KIAA0930: variants seen among roughly 807,000 people sequenced by gnomAD.
The protein encoded by KIAA0930 is uncharacterized protein KIAA0930.
KIAA0930 carries 24 observed loss-of-function variants against 43.9 expected under a neutral mutation model. The observed-to-expected ratio is 0.55, with a 90% CI of 0.40 to 0.77. KIAA0930 has a LOEUF of 0.77. Ranked by LOEUF, KIAA0930 falls within the 30% of genes least tolerant of loss-of-function variation. KIAA0930 has a pLI of 0.00. For missense variants in KIAA0930, 461 were observed against 574.2 expected (o/e 0.80, Z 2.02); for synonymous variants, 259 against 216.4 (o/e 1.20, Z -1.73).
chr22:45,236,547 C>T (rs1448944381), intron 1 of KIAA0930, among the ~76,000 whole-genome samples: 1 of 152,146 alleles, frequency 6.6e-6, no homozygotes, highest in Admixed American at 6.5e-5. Context: ...CACAGCTCCA[C>T]TGGGGTCCTG....
intron 1 of KIAA0930, chr22:45,212,361 T>C: frequency 6.3e-7 from 1 of 1,599,684 alleles, no homozygotes; most frequent in Non-Finnish European, 8.5e-7. Context: ...GCCCCACAGC[T>C]GAGCCTGACT....
rs977255232 is a variant in KIAA0930, at chr22:45,194,435, G to A, written c.*2741C>T. 5 of 152,142 alleles carry A rather than the reference G, an allele frequency of 3.3e-5. No homozygotes were observed. The highest frequency in any genetic ancestry group is 9.7e-5 in the African/African-American group (4 of 41,422). 9.4% of individuals were successfully genotyped at this position (152,142 alleles called of 1,614,324 possible). ...CAGTTTTCCGCTGAGGAAACCTAAGGTCTTAAAGGGGTTTTGGGATCAAGT... is the reference window on the plus strand; with the variant it reads ...CAGTTTTCCGCTGAGGAAACCTAAGATCTTAAAGGGGTTTTGGGATCAAGT... On this transcript the variant is annotated 3_prime_UTR_variant, in exon 10 of 10. Coordinates refer to ENST00000336156, the MANE Select transcript of KIAA0930 (RefSeq NM_001009880.2).
At chr22:45,223,066 C>T (rs576028535) in intron 1 of KIAA0930, among the ~76,000 whole-genome samples, 3 of 152,288 alleles carry the variant, frequency 2.0e-5, no homozygotes, top group African/African-American at 4.8e-5. Context: ...TGAATTTTTC[C>T]CTGTGGTCTC....
intron 1 of KIAA0930, among the ~76,000 whole-genome samples, chr22:45,238,860 G>C (rs576637495): frequency 6.7e-6 from 1 of 149,790 alleles, no homozygotes; most frequent in African/African-American, 2.5e-5. Flanking sequence ...TTCCTCATTG[G>C]TTGTCCCTGG....
intron 1 of KIAA0930, among the ~76,000 whole-genome samples, chr22:45,221,237 TCA>T (rs996369040): frequency 1.3e-4 from 20 of 152,240 alleles, no homozygotes; most frequent in African/African-American, 4.8e-4. Flanking sequence ...CTGTTTACTT[TCA>T]GTCTTTCCCT....
chr22:45,233,892 C>T, intron 1 of KIAA0930, among the ~76,000 whole-genome samples: 1 of 152,236 alleles, frequency 6.6e-6, no homozygotes, highest in East Asian at 1.9e-4. Flanking sequence ...CCCAGCACCG[C>T]ATGCAGGAGG....
In KIAA0930 at chr22:45,194,980, G is replaced by A. The variant is rs2235152; in HGVS notation, c.*2196C>T. 17,671 of 152,172 alleles carry A rather than the reference G, an allele frequency of 0.12. 1,176 individuals carry two copies. The highest frequency in any genetic ancestry group is 0.15 in the East Asian group (767 of 5,172). 9.4% of individuals were successfully genotyped at this position (152,172 alleles called of 1,614,324 possible). On this transcript the variant is annotated 3_prime_UTR_variant, in exon 10 of 10. Coordinates refer to ENST00000336156, the MANE Select transcript of KIAA0930 (RefSeq NM_001009880.2). Reference sequence around the variant, plus strand: ...CTGCACATGGTAGGCGCTGTGTGTCGGCTATGAAACCACCAGCCCACCGCG... The same window carrying A: ...CTGCACATGGTAGGCGCTGTGTGTCAGCTATGAAACCACCAGCCCACCGCG...
chr22:45,194,962 T>C lies in KIAA0930; in HGVS notation c.*2214A>G, dbSNP rs1469193932. The C allele has an allele frequency of 6.6e-6, 1 of 152,208 alleles. No homozygotes were observed. The highest frequency in any genetic ancestry group is 2.4e-5 in the African/African-American group (1 of 41,446). The allele number at this position is 152,208 out of a possible 1,614,324, so 9.4% of individuals were successfully genotyped here. ...ATGGGGTCGGACAGGCAGCTGCACA[T>C]GGTAGGCGCTGTGTGTCGGCTATGA... is the stretch of plus-strand genomic sequence containing the variant. On this transcript the variant is annotated 3_prime_UTR_variant, in exon 10 of 10. Transcript: ENST00000336156.
Position 45,211,986 on chromosome 22 carries a change from G to C in KIAA0930, c.186C>G (p.Ser62=). 1.2e-6 allele frequency: 2 copies of C among 1,613,046 alleles called. No homozygotes were observed. Among genetic ancestry groups the C allele is most frequent in the Non-Finnish European group, 1.7e-6 (2 of 1,180,016 alleles). Residue 62 remains serine (S), a synonymous_variant, in exon 2 of 10, where the codon TCC becomes TCG. Coordinates refer to ENST00000336156, the MANE Select transcript of KIAA0930 (RefSeq NM_001009880.2). ...TCCCGTCTGCACCGCTTTCGCTGCC[G>C]GAGTACGCCAGCTTCCGGCGCACAT... ...LFYVRRKLAY[S]GSESGADGRK...
At position 45,192,731 on chromosome 22, in the gene KIAA0930, C is replaced by T. The variant is rs906689260; in HGVS notation, c.*4445G>A. On this transcript the variant is annotated 3_prime_UTR_variant, in exon 10 of 10. Coordinates refer to ENST00000336156, the MANE Select transcript of KIAA0930 (RefSeq NM_001009880.2). ...TGGAAACGGAATAAAAACGCCTACT[C>T]GCCTTAGGCAGGATAAGAAGTTGTA... The T allele has an allele frequency of 2.6e-5, 4 of 152,206 alleles. No individual in the cohort carries two copies. The highest frequency in any genetic ancestry group is 9.6e-5 in the African/African-American group (4 of 41,452). 9.4% of individuals were successfully genotyped at this position (152,206 alleles called of 1,614,324 possible).
chr22:45,216,037 A>AAC (rs55687332), intron 1 of KIAA0930, among the ~76,000 whole-genome samples: 1 of 150,960 alleles, frequency 6.6e-6, no homozygotes, highest in Non-Finnish European at 1.5e-5. Context: ...CAAAAAAAAA[A>AAC]CAAAAGAAAG....
chr22:45,197,591 C>G (rs930366194), intron 9 of KIAA0930, among the ~76,000 whole-genome samples, 199 bp downstream of exon 9: 7 of 152,160 alleles, frequency 4.6e-5, no homozygotes, highest in African/African-American at 1.7e-4. Context: ...GAAAGGTGAA[C>G]AAAGGGAGGA....
intron 7 of KIAA0930, chr22:45,201,099 C>G: frequency 2.2e-6 from 1 of 455,902 alleles, no homozygotes; most frequent in South Asian, 1.7e-5. Flanking sequence ...GTCACGGCTC[C>G]GACATCCACC....
chr22:45,198,552 G>T (rs1450811368), intron 8 of KIAA0930, among the ~76,000 whole-genome samples: 1 of 152,238 alleles, frequency 6.6e-6, no homozygotes, highest in Admixed American at 6.5e-5. Flanking sequence ...TGGTCCCAGT[G>T]GTCAGGACAA....
chr22:45,199,427 G>A (rs979679008), intron 8 of KIAA0930, among the ~76,000 whole-genome samples: 1 of 152,204 alleles, frequency 6.6e-6, no homozygotes, highest in Non-Finnish European at 1.5e-5. Flanking sequence ...GTTCTGGGAG[G>A]CTGCACAGAG....
intron 1 of KIAA0930, chr22:45,212,611 CG>C: frequency 7.5e-7 from 1 of 1,333,728 alleles, no homozygotes; most frequent in East Asian, 2.7e-5. Context: ...AGGCTGCAAG[CG>C]GGAACCGCAG....
intron 8 of KIAA0930, among the ~76,000 whole-genome samples, chr22:45,198,227 C>T (rs542621320): frequency 5.8e-4 from 88 of 152,324 alleles, no homozygotes; most frequent in African/African-American, 2.0e-3. Context: ...TAGTCTCCTC[C>T]GGGGGTTCTG....
chr22:45,198,092 C>T (rs1209006672), intron 8 of KIAA0930, 144 bp from the exon 9 acceptor site: 12 of 713,750 alleles, frequency 1.7e-5, no homozygotes, highest in Admixed American at 2.8e-5. Flanking sequence ...AGCACCCACA[C>T]GCTCCAGAGC....
At chr22:45,214,243 T>C (rs2083717600) in intron 1 of KIAA0930, among the ~76,000 whole-genome samples, 1 of 151,994 alleles carries the variant, frequency 6.6e-6, no homozygotes, top group African/African-American at 2.4e-5. Context: ...GTTATACATA[T>C]ACTTACAAAA....
Sources: allele counts gnomAD v4.1 joint callset (sites outside exome capture counted in the v4.1 genomes callset), GRCh38; gene constraint gnomAD v4.1.1; transcripts MANE v1.5; gene names NCBI Gene and HGNC (gene_info 2026-07-23, HGNC 2026-07-21).